Variants in SLC24A2 observed in about 807,000 individuals in gnomAD.
SLC24A2 encodes the protein solute carrier family 24 member 2.
SLC24A2 carries 36 observed loss-of-function variants against 62.0 expected under a neutral mutation model. The observed-to-expected ratio is 0.58, with a 90% confidence interval of 0.44 to 0.77. The LOEUF is 0.77. Among genes scored for constraint, SLC24A2 ranks in the 30% least tolerant of loss-of-function variants. The pLI is 0.00. For missense variants in SLC24A2, 846 were observed against 817.9 expected (o/e 1.03, Z -0.42); for synonymous variants, 358 against 294.0 (o/e 1.22, Z -2.23).
chr9:20,168,486 A>G, the SLC24A2 span, among the ~76,000 whole-genome samples: 3 of 152,034 alleles, frequency 2.0e-5, no homozygotes, highest in African/African-American at 7.2e-5. Flanking sequence ...TAGAATATAT[A>G]AAGAACTCAT....
the SLC24A2 span, among the ~76,000 whole-genome samples, chr9:20,296,442 A>T: frequency 6.6e-6 from 1 of 152,236 alleles, no homozygotes; most frequent in Non-Finnish European, 1.5e-5. Context: ...ATTTTTTATA[A>T]AAAATGGACA....
the SLC24A2 span, among the ~76,000 whole-genome samples, chr9:20,239,471 G>C: frequency 6.6e-6 from 1 of 151,816 alleles, no homozygotes; most frequent in Admixed American, 6.6e-5. Flanking sequence ...AGGGGGCCTG[G>C]TCAGGGAGAG....
intron 2 of SLC24A2, among the ~76,000 whole-genome samples, chr9:19,756,810 T>C (rs923546207): frequency 6.6e-6 from 1 of 151,250 alleles, no homozygotes. Flanking sequence ...CTCTAGCAAA[T>C]GCTCAAGTTT....
intron 2 of SLC24A2, among the ~76,000 whole-genome samples, chr9:19,743,256 G>A (rs1320037620): frequency 2.0e-5 from 3 of 152,134 alleles, no homozygotes; most frequent in African/African-American, 7.2e-5. Flanking sequence ...ATGTCATAGG[G>A]TTAGTCAGTT....
At chr9:19,559,832 G>A (rs1382686728) in intron 7 of SLC24A2, among the ~76,000 whole-genome samples, 1 of 152,136 alleles carries the variant, frequency 6.6e-6, no homozygotes, top group African/African-American at 2.4e-5. Context: ...TAATTAGTGG[G>A]ATCAGCATAC....
At chr9:19,973,205 C>T in the SLC24A2 span, among the ~76,000 whole-genome samples, 1 of 152,168 alleles carries the variant, frequency 6.6e-6, no homozygotes, top group Non-Finnish European at 1.5e-5. Flanking sequence ...CAAAATGATG[C>T]TACCAGTGTT....
chr9:19,563,302 C>T (rs1586966571), intron 7 of SLC24A2, among the ~76,000 whole-genome samples: 2 of 152,160 alleles, frequency 1.3e-5, no homozygotes, highest in East Asian at 3.9e-4. Context: ...ACTGATGTTC[C>T]AGGAGATTGA....
chr9:19,939,886 A>G, the SLC24A2 span, among the ~76,000 whole-genome samples: 1 of 152,238 alleles, frequency 6.6e-6, no homozygotes, highest in Admixed American at 6.5e-5. Flanking sequence ...TCCCTTCTCC[A>G]GAAATCCCTG....
At chr9:20,279,080 T>G in the SLC24A2 span, among the ~76,000 whole-genome samples, 14 of 152,216 alleles carry the variant, frequency 9.2e-5, no homozygotes, top group East Asian at 2.5e-3. Context: ...CTCATGATAC[T>G]TATTCACTAT....
chr9:20,216,767 C>T, the SLC24A2 span, among the ~76,000 whole-genome samples: 1 of 152,126 alleles, frequency 6.6e-6, no homozygotes, highest in Non-Finnish European at 1.5e-5. Flanking sequence ...CATTACATGT[C>T]TCATTTGTTG....
At chr9:20,096,386 G>A in the SLC24A2 span, among the ~76,000 whole-genome samples, 1 of 151,810 alleles carries the variant, frequency 6.6e-6, no homozygotes, top group Non-Finnish European at 1.5e-5. Context: ...TCTCCTATAG[G>A]GACACTAATT....
the SLC24A2 span, among the ~76,000 whole-genome samples, chr9:19,801,105 G>A: frequency 4.6e-5 from 7 of 152,180 alleles, no homozygotes; most frequent in Non-Finnish European, 8.8e-5. Context: ...ATGGGGGTGG[G>A]CCACTTCCAA....
At chr9:19,578,129 G>T (rs1029477432) in intron 5 of SLC24A2, among the ~76,000 whole-genome samples, 2 of 151,458 alleles carry the variant, frequency 1.3e-5, no homozygotes, top group Non-Finnish European at 2.9e-5. Flanking sequence ...CTACAAATAT[G>T]GTGCAGTGTA....
the SLC24A2 span, among the ~76,000 whole-genome samples, chr9:19,832,031 T>G: frequency 1.3e-5 from 2 of 152,230 alleles, no homozygotes; most frequent in South Asian, 2.1e-4. Flanking sequence ...TTGTGAAGTC[T>G]GTAGTAGTGC....
At chr9:20,108,748 A>G in the SLC24A2 span, among the ~76,000 whole-genome samples, 3 of 152,074 alleles carry the variant, frequency 2.0e-5, no homozygotes, top group Non-Finnish European at 4.4e-5. Flanking sequence ...ACCTAATGTT[A>G]AATGATGAGT....
the SLC24A2 span, among the ~76,000 whole-genome samples, chr9:19,795,747 C>A: frequency 2.0e-5 from 3 of 152,204 alleles, no homozygotes; most frequent in South Asian, 2.1e-4. Flanking sequence ...TCACCATATT[C>A]CCTCTTCCAT....
chr9:20,143,775 T>A, the SLC24A2 span, among the ~76,000 whole-genome samples: 109 of 152,326 alleles, frequency 7.2e-4, no homozygotes, highest in African/African-American at 2.5e-3. Context: ...AAATTGGTAT[T>A]CTGAAAAGAA....
chr9:19,564,155 G>C (rs1481768778), intron 7 of SLC24A2, among the ~76,000 whole-genome samples: 1 of 151,968 alleles, frequency 6.6e-6, no homozygotes, highest in Admixed American at 6.6e-5. Flanking sequence ...ACCATGCCTG[G>C]CCATGACATG....
chr9:19,584,005 C>A (rs1038208671), intron 5 of SLC24A2, among the ~76,000 whole-genome samples: 1 of 152,166 alleles, frequency 6.6e-6, no homozygotes, highest in Non-Finnish European at 1.5e-5. Flanking sequence ...ACCCAACATT[C>A]TCATGGCACT....
Sources: allele counts gnomAD v4.1 joint callset (sites outside exome capture counted in the v4.1 genomes callset), GRCh38; gene constraint gnomAD v4.1.1; transcripts MANE v1.5; gene names NCBI Gene and HGNC (gene_info 2026-07-23, HGNC 2026-07-21).